KCTD16: variants seen among roughly 807,000 people sequenced by gnomAD.
KCTD16 encodes the protein BTB/POZ domain-containing protein KCTD16.
A neutral mutation model predicts 33.2 loss-of-function variants in KCTD16; 13 were observed. The observed-to-expected ratio is 0.39, with a 90% CI of 0.25 to 0.62. KCTD16 has a LOEUF of 0.62. Among genes scored for constraint, KCTD16 ranks in the 20% least tolerant of loss-of-function variants. KCTD16 has a pLI of 0.50. For synonymous variants in KCTD16, 197 were observed against 195.3 expected, an observed-to-expected ratio of 1.01 and a Z score of -0.07; for missense variants, 441 against 525.1, an observed-to-expected ratio of 0.84 and a Z score of 1.57.
intron 3 of KCTD16, among the ~76,000 whole-genome samples, chr5:144,340,615 G>C (rs1282960242): frequency 6.6e-6 from 1 of 152,054 alleles, no homozygotes; most frequent in Admixed American, 6.5e-5. Context: ...TAGGGTCTTT[G>C]GGGGATAATT....
intron 3 of KCTD16, among the ~76,000 whole-genome samples, chr5:144,228,794 T>C (rs1356735905): frequency 6.6e-6 from 1 of 152,208 alleles, no homozygotes; most frequent in African/African-American, 2.4e-5. Flanking sequence ...TCATCTATCA[T>C]GACAGGATCT....
In KCTD16 at chr5:144,207,498, T is replaced by C. The variant is rs748673825; in HGVS notation, c.784T>C (p.Tyr262His). 9 of 1,613,996 alleles carry C rather than the reference T, an allele frequency of 5.6e-6. No individual in the cohort carries two copies. The highest frequency in any genetic ancestry group is 7.6e-6 in the Non-Finnish European group (9 of 1,180,022). The change falls in exon 3 of 4, where the codon TAT becomes CAT. Residue 262 changes from tyrosine to histidine, a missense_variant. Around this residue, in one of 3 missense-constraint regions of KCTD16, gnomAD observed 355 missense variants for 413.0 expected, o/e 0.86. Transcript: ENST00000512467. ...GGTGACAGCATCTTTCATCAACCAA[T>C]ATACAGATGACAAGATCTGGTCAAG... ...SSVTASFINQ[Y>H]TDDKIWSSYT...
At chr5:144,272,960 A>C (rs898701955) in intron 3 of KCTD16, among the ~76,000 whole-genome samples, 14 of 152,192 alleles carry the variant, frequency 9.2e-5, no homozygotes, top group African/African-American at 3.4e-4. Context: ...CATAGGCAAC[A>C]AAATAAAAAA....
intron 3 of KCTD16, among the ~76,000 whole-genome samples, chr5:144,294,200 C>T (rs901166899): frequency 3.3e-5 from 5 of 152,046 alleles, no homozygotes; most frequent in East Asian, 1.9e-4. Flanking sequence ...AAAACCACAG[C>T]GTTTTTTGAA....
At chr5:144,270,216 C>T (rs2126846145) in intron 3 of KCTD16, among the ~76,000 whole-genome samples, 1 of 151,974 alleles carries the variant, frequency 6.6e-6, no homozygotes, top group African/African-American at 2.4e-5. Flanking sequence ...GACACAAGAT[C>T]CAAATACAAC....
At chr5:144,455,745 A>G (rs1052979168) in intron 3 of KCTD16, among the ~76,000 whole-genome samples, 1 of 152,208 alleles carries the variant, frequency 6.6e-6, no homozygotes. Flanking sequence ...GCATTTAAGC[A>G]CTGAGGTGAA....
At chr5:144,428,449 TA>T (rs1753384046) in intron 3 of KCTD16, among the ~76,000 whole-genome samples, 1 of 152,156 alleles carries the variant, frequency 6.6e-6, no homozygotes, top group South Asian at 2.1e-4. Flanking sequence ...AGAATACATT[TA>T]TTAAAACACC....
intron 3 of KCTD16, among the ~76,000 whole-genome samples, chr5:144,286,602 G>C (rs982772006): frequency 1.3e-5 from 2 of 152,152 alleles, no homozygotes; most frequent in Non-Finnish European, 2.9e-5. Flanking sequence ...CATGGGGGCT[G>C]GTGCTGGAGA....
chr5:144,341,649 T>C (rs551933933), intron 3 of KCTD16, among the ~76,000 whole-genome samples: 1 of 152,298 alleles, frequency 6.6e-6, no homozygotes, highest in South Asian at 2.1e-4. Context: ...TTTGCACAAG[T>C]TCACCGATTC....
At chr5:144,279,226 A>G (rs1755536537) in intron 3 of KCTD16, among the ~76,000 whole-genome samples, 2 of 152,190 alleles carry the variant, frequency 1.3e-5, no homozygotes, top group Admixed American at 1.3e-4. Flanking sequence ...TTTTATGTAG[A>G]CAAATATGTT....
At chr5:144,453,873 C>T (rs973855676) in intron 3 of KCTD16, among the ~76,000 whole-genome samples, 2 of 151,972 alleles carry the variant, frequency 1.3e-5, no homozygotes, top group Non-Finnish European at 2.9e-5. Context: ...ATGTACCAAC[C>T]CTTTGTAATA....
At chr5:144,194,132 A>G (rs1465940655) in intron 2 of KCTD16, among the ~76,000 whole-genome samples, 2 of 152,188 alleles carry the variant, frequency 1.3e-5, no homozygotes, top group African/African-American at 4.8e-5. Context: ...GAATTAGTCA[A>G]CAAGGGGGAA....
At chr5:144,366,036 A>T (rs566359508) in intron 3 of KCTD16, among the ~76,000 whole-genome samples, 3 of 152,184 alleles carry the variant, frequency 2.0e-5, no homozygotes, top group Non-Finnish European at 4.4e-5. Context: ...GGGAGGAGAT[A>T]CACTTTTTAA....
chr5:144,189,808 T>G (rs1752806014), intron 2 of KCTD16, among the ~76,000 whole-genome samples: 1 of 152,208 alleles, frequency 6.6e-6, no homozygotes, highest in South Asian at 2.1e-4. Context: ...GCCATATTCC[T>G]TAGCCTTTTA....
At chr5:144,191,749 C>T (rs1752845942) in intron 2 of KCTD16, among the ~76,000 whole-genome samples, 1 of 152,082 alleles carries the variant, frequency 6.6e-6, no homozygotes, top group South Asian at 2.1e-4. Flanking sequence ...GAGACAGTTC[C>T]CTGTTTTTCT....
chr5:144,464,534 T>C (rs1405716935), intron 3 of KCTD16, among the ~76,000 whole-genome samples: 1 of 152,190 alleles, frequency 6.6e-6, no homozygotes, highest in Non-Finnish European at 1.5e-5. Flanking sequence ...CCACAAGGAA[T>C]GATTCAGCCC....
At chr5:144,381,240 A>G (rs897610502) in intron 3 of KCTD16, among the ~76,000 whole-genome samples, 7 of 152,200 alleles carry the variant, frequency 4.6e-5, no homozygotes, top group African/African-American at 1.4e-4. Flanking sequence ...CAAAACCACA[A>G]TGAGATACCG....
chr5:144,403,662 T>C (rs922086453), intron 3 of KCTD16, among the ~76,000 whole-genome samples: 6 of 152,208 alleles, frequency 3.9e-5, no homozygotes, highest in Non-Finnish European at 8.8e-5. Flanking sequence ...AAAATGATTA[T>C]AGTAGCCCTT....
At chr5:144,452,631 GAT>G (rs1561613375) in intron 3 of KCTD16, among the ~76,000 whole-genome samples, 1 of 151,958 alleles carries the variant, frequency 6.6e-6, no homozygotes. Context: ...AAAATATGGG[GAT>G]TATTTTGGGA....
Sources: gnomAD v4.1 joint callset for allele counts (sites outside exome capture counted in the v4.1 genomes callset) on GRCh38, gnomAD v4.1.1 for gene constraint, gnomAD v4.1.1 regional missense constraint, MANE v1.5 for transcripts, NCBI Gene and HGNC (gene_info 2026-07-23, HGNC 2026-07-21) for gene names.